Variants in DPYSL5 observed in about 807,000 individuals in gnomAD.
DPYSL5 encodes the protein dihydropyrimidinase-related protein 5.
A neutral mutation model predicts 58.4 loss-of-function variants in DPYSL5; 9 were observed. The observed-to-expected ratio is 0.15, with a 90% CI of 0.09 to 0.27. The LOEUF (loss-of-function observed/expected upper bound fraction) is 0.27. DPYSL5 is among the 10% of genes least tolerant of loss of function. DPYSL5 has a pLI of 1.00. For synonymous variants in DPYSL5, 293 were observed against 301.9 expected, an observed-to-expected ratio of 0.97 and a Z score of 0.31; for missense variants, 499 against 770.6, an observed-to-expected ratio of 0.65 and a Z score of 4.17.
chr2:26,932,898 C>A (rs78410074), intron 6 of DPYSL5, among the ~76,000 whole-genome samples: 1 of 152,182 alleles, frequency 6.6e-6, no homozygotes, highest in Non-Finnish European at 1.5e-5. Context: ...TAGGTCATCA[C>A]GTTTATGAAC....
Position 26,854,747 on chromosome 2 carries a change from A to G in DPYSL5, c.-5+6493A>G, listed in dbSNP as rs184385222. On this transcript the variant is annotated intron_variant, in intron 1 of 12. Coordinates refer to ENST00000288699, the MANE Select transcript of DPYSL5 (RefSeq NM_020134.4). ...GAATGACTGAATGGTTTTAGGTGAT[A>G]TTTTACAGGATTTTCCAGCTACTGA... Among the ~76,000 whole-genome samples, 455 of 152,192 alleles carry G rather than the reference A, an allele frequency of 3.0e-3. 1 individual carries two copies. Among genetic ancestry groups the G allele is most frequent in the African/African-American group, 0.01 (436 of 41,550 alleles).
In DPYSL5 at chr2:26,934,502, A is replaced by G; in HGVS notation, c.791-76A>G. The stretch of plus-strand genomic sequence containing the variant: ...CTCTGACCTCAGCTCCTTCACCTGT[A>G]AAATGAGAGGCACACACCAGCGATC... On this transcript the variant is annotated intron_variant, in intron 7 of 12. Transcript: ENST00000288699. The surrounding 1 kb of genome is among the most constrained non-coding windows in gnomAD (Gnocchi z 4.3). The G allele has an allele frequency of 1.3e-6, 2 of 1,537,618 alleles. No individual in the cohort carries two copies. Among genetic ancestry groups the G allele is most frequent in the Non-Finnish European group, 1.8e-6 (2 of 1,138,746 alleles).
At chr2:26,945,062 G>C (rs1034363420) in intron 12 of DPYSL5, among the ~76,000 whole-genome samples, 2 of 152,086 alleles carry the variant, frequency 1.3e-5, no homozygotes, top group Non-Finnish European at 2.9e-5. Flanking sequence ...GGCTCTGCTC[G>C]GGGTTTCTAA....
chr2:26,885,310 T>A (rs1490048469), intron 1 of DPYSL5, among the ~76,000 whole-genome samples: 2 of 152,184 alleles, frequency 1.3e-5, no homozygotes, highest in Non-Finnish European at 2.9e-5. Flanking sequence ...CCGTACCCAC[T>A]CCTGCACTCG....
In DPYSL5 at chr2:26,911,079, GT is replaced by G. The variant is rs57441106; in HGVS notation, c.261+12338del. On this transcript the variant is annotated intron_variant, in intron 2 of 12. Coordinates refer to ENST00000288699, the MANE Select transcript of DPYSL5 (RefSeq NM_020134.4). ...ACATGGTATGTGGTATCTATGTTCA[GT>G]TTTTTTTTTTTTTTTTTTGCAAATG... Among the ~76,000 whole-genome samples the G allele has an allele frequency of 4.3e-3, 433 of 100,394 alleles. 2 individuals carry two copies. Among genetic ancestry groups the G allele is most frequent in the South Asian group, 0.011 (32 of 2,938 alleles). The allele number at this position is 100,394 out of a possible 152,430, so 65.9% of individuals were successfully genotyped here. A position where few individuals can be genotyped will look rare whatever the true frequency, so the allele number is the denominator to read the frequency against.
intron 11 of DPYSL5, among the ~76,000 whole-genome samples, chr2:26,943,202 G>A (rs1237084804): frequency 2.0e-5 from 3 of 152,132 alleles, no homozygotes; most frequent in Non-Finnish European, 4.4e-5. Context: ...ACCTGAACAC[G>A]GGAGGCCCAC....
intron 1 of DPYSL5, among the ~76,000 whole-genome samples, chr2:26,872,214 C>A (rs1006160748): frequency 6.6e-6 from 1 of 152,192 alleles, no homozygotes; most frequent in African/African-American, 2.4e-5. Context: ...CAGATGATGG[C>A]TGGAGTTGCG....
intron 6 of DPYSL5, among the ~76,000 whole-genome samples, chr2:26,932,057 GAAAGAAA>G (rs1665009194): frequency 6.7e-5 from 1 of 14,924 alleles, no homozygotes; most frequent in South Asian, 2.3e-3. Flanking sequence ...AGGAAAGAAA[GAAAGAAA>G]GAAAGAAAGA....
intron 2 of DPYSL5, among the ~76,000 whole-genome samples, chr2:26,916,578 C>T (rs1163974779): frequency 6.6e-6 from 1 of 152,204 alleles, no homozygotes; most frequent in African/African-American, 2.4e-5. Flanking sequence ...TCAGACCTGC[C>T]TCAGCCCGAA....
chr2:26,939,135 A>T (rs1049234961), intron 8 of DPYSL5: 15 of 10,484 alleles, frequency 1.4e-3, no homozygotes, highest in African/African-American at 1.7e-3. Flanking sequence ...TGGATGGAGG[A>T]TGGCTTTTTT....
In DPYSL5 at chr2:26,898,373, G is replaced by A. The variant is rs1664068302; in HGVS notation, c.-4-123G>A. The A allele has an allele frequency of 4.3e-6, 6 of 1,386,082 alleles. No homozygotes were observed. Among genetic ancestry groups the A allele is most frequent in the Non-Finnish European group, 5.9e-6 (6 of 1,014,026 alleles). 85.9% of individuals were successfully genotyped at this position (1,386,082 alleles called of 1,614,324 possible). ...CTTGTGACTCCCGCTGGCTGTAGGG[G>A]AAAGTTCCTCCTCTTCTCTGCTCAC... is the stretch of plus-strand genomic sequence containing the variant. On this transcript the variant is annotated intron_variant, in intron 1 of 12. Transcript: ENST00000288699. This position sits in a 1 kb window ranked among gnomAD's most constrained non-coding sequence, Gnocchi z 6.1.
Position 26,941,982 on chromosome 2 carries a change from G to T in DPYSL5, c.1122G>T (p.Val374=), listed in dbSNP as rs781671833. ...GAAAGATGGATGAGAACCGTTTTGT[G>T]GCCGTTACCAGTTCCAACGCAGCTA... The part of the protein sequence containing the change: ...VGGKMDENRF[V]AVTSSNAAKL... Residue 374 remains valine, a synonymous_variant, in exon 10 of 13, where the codon GTG becomes GTT. Transcript: ENST00000288699. 3.7e-6 allele frequency: 6 copies of T among 1,614,042 alleles called. No individual in the cohort carries two copies. The East Asian group carries it at 1.3e-4, about 36-fold the overall frequency.
chr2:26,935,234 T>G (rs1370601496), intron 8 of DPYSL5, among the ~76,000 whole-genome samples: 2 of 152,056 alleles, frequency 1.3e-5, no homozygotes, highest in Non-Finnish European at 2.9e-5. Flanking sequence ...CCTCCAGATC[T>G]CCTTTCTCCA....
intron 1 of DPYSL5, among the ~76,000 whole-genome samples, chr2:26,858,355 TA>T (rs1010695913): frequency 1.1e-4 from 16 of 151,954 alleles, no homozygotes; most frequent in African/African-American, 3.6e-4. Flanking sequence ...GTAGTTTTAG[TA>T]AAGACGGAGT....
chr2:26,931,572 A>T, intron 5 of DPYSL5, 68 bp from the exon 6 acceptor site: 6 of 1,594,448 alleles, frequency 3.8e-6, no homozygotes, highest in Admixed American at 1.7e-5. Context: ...TGAAGGGGAG[A>T]GTATGGTGTG....
intron 1 of DPYSL5, among the ~76,000 whole-genome samples, chr2:26,880,016 G>A (rs1021127698): frequency 1.3e-5 from 2 of 151,852 alleles, no homozygotes; most frequent in African/African-American, 4.8e-5. Flanking sequence ...TCAGCCTCCT[G>A]AGCAGCTGGG....
intron 12 of DPYSL5, among the ~76,000 whole-genome samples, chr2:26,945,144 G>T (rs1370347152): frequency 2.0e-5 from 3 of 151,960 alleles, no homozygotes; most frequent in Non-Finnish European, 2.9e-5. Context: ...GATGCCCTGA[G>T]CTCAGAAGAG....
chr2:26,924,911 A>G lies in DPYSL5; in HGVS notation c.286A>G (p.Met96Val). 6.2e-7 allele frequency: 1 copy of G among 1,614,092 alleles called. No individual in the cohort carries two copies. Among genetic ancestry groups the G allele is most frequent in the Non-Finnish European group, 8.5e-7 (1 of 1,179,988 alleles). The part of the protein sequence containing the change: ...TKAALVGGTT[M>V]IIGHVLPDKE... ...GGCAGCACTCGTCGGAGGCACCACC[A>G]TGATCATCGGCCACGTCCTGCCCGA... Residue 96 changes from methionine (M) to valine (V), a missense_variant, in exon 3 of 13, where the codon ATG (methionine) becomes GTG (valine). Physicochemically the swap from Met to Val is conservative, Grantham distance 21. This residue lies in a region of DPYSL5 where 404 missense variants were observed against 647.6 expected (regional missense o/e 0.62). Transcript: ENST00000288699. The surrounding 1 kb of genome is among the most constrained non-coding windows in gnomAD (Gnocchi z 4.7).
At chr2:26,943,656 T>C (rs1572723585) in intron 11 of DPYSL5, among the ~76,000 whole-genome samples, 1 of 152,192 alleles carries the variant, frequency 6.6e-6, no homozygotes, top group Non-Finnish European at 1.5e-5. Flanking sequence ...GCCAGAGCAG[T>C]TGGAACAGCT....
Sources: allele counts gnomAD v4.1 joint callset (sites outside exome capture counted in the v4.1 genomes callset), GRCh38; gene constraint gnomAD v4.1.1; regional missense constraint gnomAD v4.1.1; non-coding constraint Gnocchi (gnomAD v3.1); transcripts MANE v1.5; gene names NCBI Gene and HGNC (gene_info 2026-07-23, HGNC 2026-07-21).